The following BPNT1 variants were observed in gnomAD, a reference collection of about 807,000 sequenced individuals.
BPNT1 encodes the protein 3'(2'), 5'-bisphosphate nucleotidase 1.
Under a neutral mutation model 36.9 loss-of-function variants are expected in BPNT1, and 28 were observed. The observed-to-expected ratio is 0.76, with a 90% confidence interval of 0.56 to 1.04. The LOEUF is 1.04. Among genes scored for constraint, BPNT1 ranks in the 50% least tolerant of loss-of-function variants. The pLI is 0.00. For synonymous variants in BPNT1, 119 were observed against 130.9 expected (o/e 0.91, Z 0.62); for missense variants, 313 against 372.9 (o/e 0.84, Z 1.32).
At chr1:220,082,063 A>AT (rs1655177714) in intron 1 of BPNT1, among the ~76,000 whole-genome samples, 1 of 110,416 alleles carries the variant, frequency 9.1e-6, no homozygotes, top group African/African-American at 3.7e-5. Flanking sequence ...TTCCAAGGAC[A>AT]ATATATATAT....
chr1:220,087,042 G>A (rs1423483650), intron 1 of BPNT1, among the ~76,000 whole-genome samples: 11 of 126,008 alleles, frequency 8.7e-5, no homozygotes, highest in Non-Finnish European at 1.5e-4. Flanking sequence ...GCAAGACTCC[G>A]TCTCAAAAAA....
chr1:220,081,446 G>A (rs1312773003), intron 1 of BPNT1, among the ~76,000 whole-genome samples: 1 of 152,086 alleles, frequency 6.6e-6, no homozygotes, highest in African/African-American at 2.4e-5. Flanking sequence ...GGGAGGCTAA[G>A]GCAGGAGAAT....
At chr1:220,075,678 G>A (rs531966396) in intron 2 of BPNT1, among the ~76,000 whole-genome samples, 1 of 152,216 alleles carries the variant, frequency 6.6e-6, no homozygotes, top group Non-Finnish European at 1.5e-5. Context: ...TCTTTTCCTC[G>A]CTAAGATAAA....
At chr1:220,074,336 G>T (rs1664348599) in intron 2 of BPNT1, among the ~76,000 whole-genome samples, 1 of 152,084 alleles carries the variant, frequency 6.6e-6, no homozygotes, top group Admixed American at 6.6e-5. Context: ...TCAACCTTTT[G>T]CTTAAATAGG....
chr1:220,069,375 G>C lies in BPNT1; in HGVS notation c.382+9C>G. 1 of 1,589,980 alleles carries C rather than the reference G, an allele frequency of 6.3e-7. No individual in the cohort carries two copies. The highest frequency in any genetic ancestry group is 8.6e-7 in the Non-Finnish European group (1 of 1,167,044). On this transcript the variant is annotated intron_variant, in intron 5 of 8. Transcript: ENST00000322067. Reference sequence around the variant, plus strand: ...TACTGTCAAATATGAATACAAAAGAGATATCAACCTTCGGTATATTCCTTG... The same window carrying C: ...TACTGTCAAATATGAATACAAAAGACATATCAACCTTCGGTATATTCCTTG...
chr1:220,074,659 C>A (rs1664381935), intron 2 of BPNT1, among the ~76,000 whole-genome samples: 1 of 151,958 alleles, frequency 6.6e-6, no homozygotes, highest in Non-Finnish European at 1.5e-5. Context: ...CCATGCCCGG[C>A]TAATTTTTTG....
chr1:220,074,071 T>C lies in BPNT1; in HGVS notation c.121A>G (p.Thr41Ala), dbSNP rs2102702585. The C allele has an allele frequency of 1.2e-6, 2 of 1,611,934 alleles. No individual in the cohort carries two copies. Among genetic ancestry groups the C allele is most frequent in the Non-Finnish European group, 1.7e-6 (2 of 1,179,544 alleles). Residue 41 changes from threonine to alanine, a missense_variant and splice_region_variant, in exon 3 of 9, where the codon ACC becomes GCC. Thr to Ala is a moderately conservative substitution (Grantham distance 58, BLOSUM62 0). Coordinates refer to ENST00000322067, the MANE Select transcript of BPNT1 (RefSeq NM_006085.6). The part of the protein sequence containing the change: ...AEGDLGIVEK[T>A]CATDLQTKAD... The stretch of plus-strand genomic sequence containing the variant: ...TTGGTCTGCAGGTCTGTTGCACAGG[T>C]CTGTAATAAAGAATGCAAATTTTAG...
intron 2 of BPNT1, among the ~76,000 whole-genome samples, chr1:220,076,529 T>C (rs946300705): frequency 2.5e-5 from 2 of 80,050 alleles, no homozygotes; most frequent in African/African-American, 1.0e-4. Context: ...GGCAAAAAAA[T>C]ACAAAATTAG....
At chr1:220,066,006 G>C in intron 6 of BPNT1, 1 of 1,223,840 alleles carries the variant, frequency 8.2e-7, no homozygotes, top group Non-Finnish European at 1.1e-6. Flanking sequence ...GACCACCTGG[G>C]GTACCACAAG....
chr1:220,078,831 C>T (rs988937848), intron 2 of BPNT1, among the ~76,000 whole-genome samples: 1 of 151,888 alleles, frequency 6.6e-6, no homozygotes, highest in Non-Finnish European at 1.5e-5. Flanking sequence ...CTCCTGACCT[C>T]GTGATCTGCC....
At chr1:220,080,098 G>C (rs990389469) in intron 1 of BPNT1, among the ~76,000 whole-genome samples, 2 of 152,178 alleles carry the variant, frequency 1.3e-5, no homozygotes, top group Non-Finnish European at 2.9e-5. Context: ...CAAAGCATAG[G>C]AGAAACTGGC....
At chr1:220,085,384 T>C (rs1443914027) in intron 1 of BPNT1, among the ~76,000 whole-genome samples, 1 of 152,260 alleles carries the variant, frequency 6.6e-6, no homozygotes, top group East Asian at 1.9e-4. Flanking sequence ...GCACAGGCTC[T>C]GCAGCCCACT....
chr1:220,089,101 GAAAAA>G (rs764942826), intron 1 of BPNT1, among the ~76,000 whole-genome samples: 13 of 39,156 alleles, frequency 3.3e-4, no homozygotes, highest in African/African-American at 1.1e-3. Flanking sequence ...ACTCCGTCTC[GAAAAA>G]AAAAAAAAAA....
intron 4 of BPNT1, among the ~76,000 whole-genome samples, chr1:220,069,858 C>T (rs1663891469): frequency 6.6e-6 from 1 of 151,878 alleles, no homozygotes; most frequent in South Asian, 2.1e-4. Flanking sequence ...ATCACTTGAA[C>T]TCAGGAGGCG....
chr1:220,059,300 GGCACAA>G (rs1314704577), intron 8 of BPNT1, among the ~76,000 whole-genome samples: 2 of 125,500 alleles, frequency 1.6e-5, no homozygotes, highest in African/African-American at 6.3e-5. Flanking sequence ...GGAGTGCAAT[GGCACAA>G]TCTCAGTTAC....
chr1:220,071,081 C>G (rs1409415120), intron 4 of BPNT1, among the ~76,000 whole-genome samples: 1 of 149,204 alleles, frequency 6.7e-6, no homozygotes, highest in Non-Finnish European at 1.5e-5. Flanking sequence ...AGGTTGGTCT[C>G]GATCTCCTGA....
chr1:220,061,618 G>A (rs557197036), intron 7 of BPNT1, among the ~76,000 whole-genome samples: 1 of 152,040 alleles, frequency 6.6e-6, no homozygotes, highest in Non-Finnish European at 1.5e-5. Context: ...AGGAGTCTAG[G>A]ATGACTTTCA....
chr1:220,067,090 G>A (rs988728198), intron 6 of BPNT1: 5 of 176,408 alleles, frequency 2.8e-5, no homozygotes, highest in East Asian at 2.9e-4. Flanking sequence ...CTGGGAATCC[G>A]TATTTTTAAA....
chr1:220,088,221 C>T (rs561422981), intron 1 of BPNT1, among the ~76,000 whole-genome samples: 4 of 151,480 alleles, frequency 2.6e-5, no homozygotes, highest in East Asian at 2.0e-4. Context: ...TGGCAGGGCA[C>T]GGTGGCTCAC....
Sources: gnomAD v4.1 joint callset for allele counts (sites outside exome capture counted in the v4.1 genomes callset) on GRCh38, gnomAD v4.1.1 for gene constraint, MANE v1.5 for transcripts, NCBI Gene and HGNC (gene_info 2026-07-23, HGNC 2026-07-21) for gene names.